The following TAAR5 variants were observed in gnomAD, a reference collection of about 807,000 sequenced individuals.
TAAR5 encodes the protein trace amine associated receptor 5.
In TAAR5, 27 loss-of-function variants were observed where a neutral mutation model predicts 21.1. The observed-to-expected ratio is 1.28, with a 90% CI of 0.94 to 1.76. TAAR5 has a LOEUF of 1.76. Among genes scored for constraint, TAAR5 ranks in the 40% most tolerant of loss-of-function variants. TAAR5 has a pLI of 0.00. For missense variants in TAAR5, 495 were observed against 405.6 expected (o/e 1.22, Z -1.89); for synonymous variants, 203 against 167.5 (o/e 1.21, Z -1.64).
At chr6:132,609,442 A>T in the TAAR5 span, 1 of 164,376 alleles carries the variant, frequency 6.1e-6, no homozygotes, top group Non-Finnish European at 1.3e-5. Flanking sequence ...AAATTATATC[A>T]ACTGTGTTTG....
At chr6:132,592,321 C>A (rs1256347797), upstream of TAAR5, among the ~76,000 whole-genome samples, 2 of 152,198 alleles carry the variant, frequency 1.3e-5, no homozygotes, top group Admixed American at 1.3e-4. Context: ...ATTATGATAA[C>A]CTGAAATTAT....
the TAAR5 span, among the ~76,000 whole-genome samples, chr6:132,596,196 C>G: frequency 6.6e-6 from 1 of 152,118 alleles, no homozygotes; most frequent in Non-Finnish European, 1.5e-5. Context: ...GAGGTCCTTT[C>G]CCCCTGTTTT....
the TAAR5 span, among the ~76,000 whole-genome samples, chr6:132,610,742 G>A: frequency 7.9e-5 from 12 of 152,296 alleles, no homozygotes; most frequent in South Asian, 2.1e-4. Context: ...TAGGTTAAAA[G>A]TTTACATCAC....
the TAAR5 span, chr6:132,609,122 T>C: frequency 4.7e-6 from 2 of 421,304 alleles, no homozygotes; most frequent in South Asian, 3.4e-5. Context: ...ATGGAAACCA[T>C]TATAACCAAG....
chr6:132,590,909 T>G (rs9493390), upstream of TAAR5, among the ~76,000 whole-genome samples: 72,262 of 151,972 alleles, frequency 0.48, 17,431 homozygotes, highest in South Asian at 0.55. Flanking sequence ...TCTGCTTTAG[T>G]ATTATTTGTG....
the TAAR5 span, among the ~76,000 whole-genome samples, chr6:132,616,144 G>A: frequency 3.3e-5 from 5 of 152,202 alleles, no homozygotes; most frequent in Middle Eastern, 3.4e-3. Flanking sequence ...TTTTTTAAAT[G>A]TATATACCAT....
chr6:132,605,157 G>T, the TAAR5 span, among the ~76,000 whole-genome samples: 1 of 152,264 alleles, frequency 6.6e-6, no homozygotes, highest in African/African-American at 2.4e-5. Flanking sequence ...CCAGCCCCAT[G>T]CCCAGACTGG....
At chr6:132,603,210 T>A in the TAAR5 span, among the ~76,000 whole-genome samples, 1 of 148,620 alleles carries the variant, frequency 6.7e-6, no homozygotes, top group African/African-American at 2.5e-5. Context: ...GCTGAGGTGG[T>A]AGGATAGCTT....
the TAAR5 span, among the ~76,000 whole-genome samples, chr6:132,600,474 A>T: frequency 6.6e-6 from 1 of 152,294 alleles, no homozygotes; most frequent in East Asian, 1.9e-4. Context: ...TGAACTCCCC[A>T]ATCGGCCATG....
Position 132,589,267 on chromosome 6 carries a change from CA to C in TAAR5, c.419del (p.Leu140ArgfsTer9). The stretch of plus-strand genomic sequence containing the variant: ...TCACTGTGAACTTGGAGGGATAGAG[CA>C]GGGGGTCACAGATGGCACAGTGGCG... ...IDRHCAICDP[L>X]LYPSKFTVRV... On this transcript the variant is annotated frameshift_variant, in exon 1 of 1. Coordinates refer to ENST00000258034, the MANE Select transcript of TAAR5 (RefSeq NM_003967.3). LOFTEE classifies it high-confidence loss of function. 1 of 1,609,778 alleles carries C rather than the reference CA, an allele frequency of 6.2e-7. No homozygotes were observed. Among genetic ancestry groups the C allele is most frequent in the Non-Finnish European group, 8.5e-7 (1 of 1,177,776 alleles).
the TAAR5 span, chr6:132,594,915 G>A: frequency 6.6e-6 from 1 of 152,192 alleles, no homozygotes; most frequent in Non-Finnish European, 1.5e-5. Flanking sequence ...CACCAATTAT[G>A]TTTAGTTTTG....
the TAAR5 span, chr6:132,609,428 T>G: frequency 6.1e-6 from 1 of 164,260 alleles, no homozygotes; most frequent in Non-Finnish European, 1.3e-5. Flanking sequence ...TATTTAAATA[T>G]TTTAAATTAT....
chr6:132,611,240 A>T, the TAAR5 span, among the ~76,000 whole-genome samples: 1 of 151,682 alleles, frequency 6.6e-6, no homozygotes, highest in African/African-American at 2.4e-5. Flanking sequence ...CATTGAACTC[A>T]TGGAGATAGG....
chr6:132,597,005 A>G, the TAAR5 span, among the ~76,000 whole-genome samples: 1 of 152,174 alleles, frequency 6.6e-6, no homozygotes, highest in Non-Finnish European at 1.5e-5. Flanking sequence ...AAGTCATTTC[A>G]GCATTTGCCA....
chr6:132,589,512 C>T lies in TAAR5; in HGVS notation c.175G>A (p.Val59Met). 1.2e-6 allele frequency: 2 copies of T among 1,613,970 alleles called. No homozygotes were observed. The highest frequency in any genetic ancestry group is 1.7e-6 in the Non-Finnish European group (2 of 1,179,968). Residue 59 changes from valine (V) to methionine (M), a missense_variant, in exon 1 of 1, where the codon GTG becomes ATG. Transcript: ENST00000258034. Reference sequence around the variant, plus strand: ...GTGTGAAGCGCTTTGAAGTAGGACACAGCAAATGCCACAAATACATTCCCT... The same window carrying T: ...GTGTGAAGCGCTTTGAAGTAGGACATAGCAAATGCCACAAATACATTCCCT... Reference protein sequence around the residue: ...VLGNVFVAFAVSYFKALHTPT... With the variant: ...VLGNVFVAFAMSYFKALHTPT...
the TAAR5 span, among the ~76,000 whole-genome samples, chr6:132,600,585 G>C: frequency 6.6e-6 from 1 of 151,976 alleles, no homozygotes; most frequent in Non-Finnish European, 1.5e-5. Context: ...AACAACAAAG[G>C]TTAATTTGTA....
At position 132,588,719 on chromosome 6, in the gene TAAR5, T is replaced by C; in HGVS notation, c.968A>G (p.Lys323Arg). 6.2e-7 allele frequency: 1 copy of C among 1,613,996 alleles called. No individual in the cohort carries two copies. The highest frequency in any genetic ancestry group is 8.5e-7 in the Non-Finnish European group (1 of 1,179,960). ...RKALKLTLSQ[K>R]VFSPQTRTVD... ...AGTGCGTGTCTGCGGTGAGAAGACC[T>C]TCTGGCTCAGTGTGAGTTTCAGTGC... The change falls in exon 1 of 1, where the codon AAG (lysine) becomes AGG (arginine). Residue 323 changes from lysine (K) to arginine (R), a missense_variant. Physicochemically the swap from Lys to Arg is conservative, Grantham distance 26. Coordinates refer to ENST00000258034, the MANE Select transcript of TAAR5 (RefSeq NM_003967.3).
the TAAR5 span, among the ~76,000 whole-genome samples, chr6:132,601,715 G>T: frequency 6.6e-6 from 1 of 152,092 alleles, no homozygotes; most frequent in African/African-American, 2.4e-5. Context: ...CAAAAAATTT[G>T]GCAGGTCTAT....
the TAAR5 span, chr6:132,608,401 A>G: frequency 4.4e-6 from 2 of 455,838 alleles, no homozygotes; most frequent in Non-Finnish European, 4.4e-6. Flanking sequence ...CCACACTAAA[A>G]GATCCAATAT....
Sources: allele counts gnomAD v4.1 joint callset (sites outside exome capture counted in the v4.1 genomes callset), GRCh38; gene constraint gnomAD v4.1.1; transcripts MANE v1.5; gene names NCBI Gene and HGNC (gene_info 2026-07-23, HGNC 2026-07-21).